Variants in RAB4B observed in about 807,000 individuals in gnomAD.
The protein encoded by RAB4B is ras-related protein Rab-4B.
RAB4B carries 15 observed loss-of-function variants against 28.3 expected under a neutral mutation model. The ratio of observed to expected loss-of-function variants is 0.53; its 90% CI spans 0.35 to 0.82. RAB4B has a LOEUF of 0.82. Among genes scored for constraint, RAB4B ranks in the 40% least tolerant of loss-of-function variants. The pLI, the probability that RAB4B is intolerant of heterozygous loss-of-function variation, is 0.01. For synonymous variants in RAB4B, 108 were observed against 116.3 expected (o/e 0.93, Z 0.46); for missense variants, 244 against 288.5 (o/e 0.85, Z 1.12).
chr19:40,780,663 T>A, intron 3 of RAB4B, among the ~76,000 whole-genome samples, 164 bp downstream of exon 3: 1 of 146,220 alleles, frequency 6.8e-6, no homozygotes, highest in African/African-American at 2.5e-5. Context: ...AGAGAGGGAG[T>A]ACTGGAGAGA....
chr19:40,788,443 G>A (rs573716022), intron 7 of RAB4B, among the ~76,000 whole-genome samples: 10 of 144,638 alleles, frequency 6.9e-5, no homozygotes, highest in East Asian at 4.0e-4. Flanking sequence ...GTGACCATGC[G>A]CCACTGCATT....
chr19:40,782,598 A>G (rs1174520894), intron 3 of RAB4B, among the ~76,000 whole-genome samples: 1 of 151,756 alleles, frequency 6.6e-6, no homozygotes, highest in Non-Finnish European at 1.5e-5. Context: ...AGATCACTTG[A>G]GGTCAGGAGT....
chr19:40,780,915 G>A (rs1313770198), intron 3 of RAB4B, among the ~76,000 whole-genome samples: 8 of 151,932 alleles, frequency 5.3e-5, no homozygotes, highest in Middle Eastern at 3.4e-3. Context: ...GGAAACTTGA[G>A]AGACTCACAC....
intron 7 of RAB4B, 119 bp downstream of exon 7, chr19:40,787,097 AC>A (rs2145051386): frequency 1.0e-6 from 1 of 970,254 alleles, no homozygotes. Context: ...AGATGCAAAA[AC>A]ACACAAGCTA....
rs756379787 is a variant in RAB4B at position 40,786,864 on chromosome 19, G to T, written c.543G>T (p.Glu181Asp). ...NKIDSGELDP[E>D]RMGSGIQYGD... ...TCCCCACAGGCGAGCTAGACCCGGA[G>T]AGGATGGGCTCTGGCATTCAGTACG... Residue 181 changes from glutamate to aspartate, a missense_variant, in exon 7 of 8, where the codon GAG (glutamate) becomes GAT (aspartate). Coordinates refer to ENST00000357052, the MANE Select transcript of RAB4B (RefSeq NM_016154.5). 6.2e-7 allele frequency: 1 copy of T among 1,614,166 alleles called. No homozygotes were observed. Among genetic ancestry groups the T allele is most frequent in the East Asian group, 2.2e-5 (1 of 44,872 alleles).
rs1212217211 is a variant in RAB4B, at chr19:40,779,892, C to T, written c.17-127C>T. The T allele has an allele frequency of 2.6e-6, 4 of 1,561,618 alleles. No homozygotes were observed. In the African/African-American group the frequency reaches 4.1e-5, roughly 16 times the overall value. Reference sequence around the variant, plus strand: ...GTTACTGTTACCTATTGGTTTGTTTCTGCCTATGTCTGTTTCTCTCCCTCT... The same window carrying T: ...GTTACTGTTACCTATTGGTTTGTTTTTGCCTATGTCTGTTTCTCTCCCTCT... On this transcript the variant is annotated intron_variant, in intron 1 of 7. Coordinates refer to ENST00000357052, the MANE Select transcript of RAB4B (RefSeq NM_016154.5).
intron 7 of RAB4B, among the ~76,000 whole-genome samples, chr19:40,794,301 TC>T (rs940035556): frequency 1.1e-4 from 17 of 151,836 alleles, no homozygotes; most frequent in Non-Finnish European, 1.3e-4. Flanking sequence ...GGTCTCAAAC[TC>T]CTGACCTCAG....
At chr19:40,790,980 C>T (rs187616501) in intron 7 of RAB4B, among the ~76,000 whole-genome samples, 1 of 151,718 alleles carries the variant, frequency 6.6e-6, no homozygotes, top group South Asian at 2.1e-4. Context: ...CTCAGCCTCC[C>T]GAGTAGCTGG....
At chr19:40,791,443 C>T (rs1486206567) in intron 7 of RAB4B, among the ~76,000 whole-genome samples, 1 of 152,150 alleles carries the variant, frequency 6.6e-6, no homozygotes, top group East Asian at 1.9e-4. Flanking sequence ...GGACTGGCCC[C>T]TGCCAGCCCA....
At chr19:40,778,414 G>T in intron 1 of RAB4B, 23 bp downstream of exon 1, 1 of 1,449,966 alleles carries the variant, frequency 6.9e-7, no homozygotes. Context: ...GACGAAGCTG[G>T]GGTCCTGGGT....
intron 7 of RAB4B, among the ~76,000 whole-genome samples, chr19:40,789,484 G>A (rs1391026612): frequency 1.4e-5 from 2 of 143,558 alleles, no homozygotes; most frequent in African/African-American, 5.2e-5. Flanking sequence ...TTACAGGCGG[G>A]AGCCACCACG....
intron 3 of RAB4B, among the ~76,000 whole-genome samples, chr19:40,783,147 C>CAAAAAAAAAAAAAAA (rs1168587843): frequency 2.8e-5 from 1 of 35,680 alleles, no homozygotes; most frequent in Non-Finnish European, 6.1e-5. Flanking sequence ...GATTCCTACT[C>CAAAAAAAAAAAAAAA]AAAAAAAAAA....
intron 7 of RAB4B, among the ~76,000 whole-genome samples, chr19:40,790,077 G>C (rs555938075): frequency 2.2e-4 from 34 of 152,354 alleles, no homozygotes; most frequent in African/African-American, 7.7e-4. Flanking sequence ...GGGCCCTGGG[G>C]AGGCCTCTGG....
chr19:40,778,538 GT>G (rs2077930326), intron 1 of RAB4B, 147 bp downstream of exon 1: 9 of 786,146 alleles, frequency 1.1e-5, no homozygotes, highest in Non-Finnish European at 1.6e-5. Flanking sequence ...GGTTTAGTGG[GT>G]CTGAGGCTGA....
chr19:40,788,778 G>A (rs1325800005), intron 7 of RAB4B, among the ~76,000 whole-genome samples: 1 of 145,564 alleles, frequency 6.9e-6, no homozygotes, highest in Middle Eastern at 3.2e-3. Context: ...TATAGAGACA[G>A]GGTTTCTTTT....
chr19:40,778,873 T>A (rs2083021246), intron 1 of RAB4B, among the ~76,000 whole-genome samples: 1 of 151,718 alleles, frequency 6.6e-6, no homozygotes, highest in Non-Finnish European at 1.5e-5. Context: ...GACTTATGCA[T>A]GAGAATGGAG....
intron 3 of RAB4B, 142 bp downstream of exon 3, chr19:40,780,641 A>G (rs1234406393): frequency 1.5e-6 from 1 of 683,606 alleles, no homozygotes; most frequent in East Asian, 2.7e-5. Context: ...TAGCAGGTAT[A>G]TATATCCAAG....
intron 2 of RAB4B, 109 bp downstream of exon 2, chr19:40,780,208 G>A: frequency 6.6e-7 from 1 of 1,519,580 alleles, no homozygotes. Context: ...TACAAGTCCA[G>A]TGCTGGCTTT....
rs146341647 is a variant in RAB4B at position 40,792,537 on chromosome 19, A to G, written c.*16-4033A>G. The stretch of plus-strand genomic sequence containing the variant: ...GCTTTTTCACACTTTGCTGACTGCA[A>G]TCTACAGGAGGAAATATATTTTATG... On this transcript the variant is annotated intron_variant, in intron 7 of 7. Coordinates refer to ENST00000357052, the MANE Select transcript of RAB4B (RefSeq NM_016154.5). 116 of 152,362 alleles carry G rather than the reference A, an allele frequency of 7.6e-4. 1 individual carries two copies. Among genetic ancestry groups the G allele is most frequent in the African/African-American group, 2.6e-3 (110 of 41,586 alleles). The allele number at this position is 152,362 out of a possible 1,614,324, so 9.4% of individuals were successfully genotyped here.
Sources: gnomAD v4.1 joint callset for allele counts (sites outside exome capture counted in the v4.1 genomes callset) on GRCh38, gnomAD v4.1.1 for gene constraint, MANE v1.5 for transcripts, NCBI Gene and HGNC (gene_info 2026-07-23, HGNC 2026-07-21) for gene names.